The following XRCC4 variants were observed in gnomAD, a reference collection of about 807,000 sequenced individuals.
XRCC4 encodes DNA repair protein XRCC4.
A neutral mutation model predicts 39.1 loss-of-function variants in XRCC4; 28 were observed. That is an observed-to-expected ratio of 0.72 (90% CI 0.53 to 0.98). XRCC4 has a LOEUF of 0.98. Ranked by LOEUF, XRCC4 falls within the 50% of genes least tolerant of loss-of-function variation. The pLI is 0.00. For synonymous variants in XRCC4, 123 were observed against 126.4 expected, an observed-to-expected ratio of 0.97 and a Z score of 0.18; for missense variants, 350 against 376.4, an observed-to-expected ratio of 0.93 and a Z score of 0.58.
chr5:83,115,083 C>G (rs1403952740), intron 3 of XRCC4, among the ~76,000 whole-genome samples: 1 of 152,106 alleles, frequency 6.6e-6, no homozygotes, highest in Non-Finnish European at 1.5e-5. Context: ...AAGACCCACC[C>G]CCATGATTCG....
intron 6 of XRCC4, among the ~76,000 whole-genome samples, chr5:83,224,081 A>G (rs1468747076): frequency 6.6e-6 from 1 of 151,964 alleles, no homozygotes; most frequent in African/African-American, 2.4e-5. Flanking sequence ...TTTAAAATCC[A>G]TTTAGCCATT....
chr5:83,373,548 G>A, the XRCC4 span, among the ~76,000 whole-genome samples: 4 of 152,172 alleles, frequency 2.6e-5, no homozygotes, highest in African/African-American at 9.7e-5. Flanking sequence ...AAGTGAGACA[G>A]CACAAAAGAT....
intron 4 of XRCC4, among the ~76,000 whole-genome samples, chr5:83,202,629 G>A (rs1238368901): frequency 1.3e-5 from 2 of 152,004 alleles, no homozygotes; most frequent in Non-Finnish European, 2.9e-5. Context: ...ATGTGTGTGT[G>A]TGTTTATGTA....
At chr5:83,273,960 T>C (rs1055530096) in intron 7 of XRCC4, among the ~76,000 whole-genome samples, 5 of 152,092 alleles carry the variant, frequency 3.3e-5, no homozygotes, top group Non-Finnish European at 7.4e-5. Flanking sequence ...ATCACTACTT[T>C]TCTAGTTGTA....
chr5:83,311,445 G>C (rs942076387), intron 7 of XRCC4, among the ~76,000 whole-genome samples: 9 of 151,990 alleles, frequency 5.9e-5, no homozygotes, highest in Non-Finnish European at 1.3e-4. Flanking sequence ...TACATTATAT[G>C]AATGTATCAA....
In XRCC4 at chr5:83,125,658, ACTGT is replaced by A. The variant is rs746739315; in HGVS notation, c.315+14458_315+14461del. 7.2e-5 allele frequency among the ~76,000 whole-genome samples: 11 copies of A among 152,108 alleles called. 1 individual carries two copies. The highest frequency in any genetic ancestry group is 1.0e-4 in the Non-Finnish European group (7 of 68,016). ...GTATCTGTCCCTCCACCAACACCAC[ACTGT>A]CTTAATTACTGCAGCTACATCCTTA... On this transcript the variant is annotated intron_variant, in intron 3 of 7. Coordinates refer to ENST00000396027, the MANE Select transcript of XRCC4 (RefSeq NM_003401.5).
At chr5:83,188,245 C>T (rs571000608) in intron 3 of XRCC4, among the ~76,000 whole-genome samples, 1 of 152,004 alleles carries the variant, frequency 6.6e-6, no homozygotes, top group East Asian at 1.9e-4. Flanking sequence ...GAAGGATCTG[C>T]CTTCAAGCTC....
chr5:83,259,269 A>G (rs1002894047), intron 7 of XRCC4: 1 of 152,594 alleles, frequency 6.6e-6, no homozygotes, highest in African/African-American at 2.4e-5. Context: ...TTATCAGTTT[A>G]ATCCAAAATG....
chr5:83,105,140 T>C (rs1373510130), intron 2 of XRCC4, 82 bp downstream of exon 2: 31 of 1,387,126 alleles, frequency 2.2e-5, no homozygotes, highest in Non-Finnish European at 2.9e-6. Flanking sequence ...CCATTAGATA[T>C]TGGGTAAAAC....
At chr5:83,221,605 T>C (rs1396058645) in intron 6 of XRCC4, among the ~76,000 whole-genome samples, 1 of 152,096 alleles carries the variant, frequency 6.6e-6, no homozygotes, top group Non-Finnish European at 1.5e-5. Flanking sequence ...AAATATATTA[T>C]TTCTTTCTCA....
At chr5:83,190,320 C>A (rs2112680747) in intron 3 of XRCC4, among the ~76,000 whole-genome samples, 1 of 152,086 alleles carries the variant, frequency 6.6e-6, no homozygotes, top group East Asian at 1.9e-4. Context: ...GTGTATATAT[C>A]TACAATAGAC....
chr5:83,290,220 G>A (rs1371895718), intron 7 of XRCC4, among the ~76,000 whole-genome samples: 3 of 151,740 alleles, frequency 2.0e-5, no homozygotes, highest in Non-Finnish European at 4.4e-5. Flanking sequence ...GCTTTTTCTT[G>A]TTAGGGTAGG....
chr5:83,266,947 G>A (rs1002813877), intron 7 of XRCC4, among the ~76,000 whole-genome samples: 1 of 152,142 alleles, frequency 6.6e-6, no homozygotes, highest in Admixed American at 6.6e-5. Context: ...AACAATGAAG[G>A]AGGAGTAATG....
At position 83,111,009 on chromosome 5, in the gene XRCC4, T is replaced by C; in HGVS notation, c.140-19T>C. 1.9e-6 allele frequency: 3 copies of C among 1,594,564 alleles called. No homozygotes were observed. The highest frequency in any genetic ancestry group is 1.2e-5 in the South Asian group (1 of 86,744). ...TCATTTACTTTTCATTTTAAAACTT[T>C]TGTTAATATTTCCCATAGTTTCTGA... On this transcript the variant is annotated intron_variant, in intron 2 of 7. Transcript: ENST00000396027.
chr5:83,166,889 GT>G (rs1032882972), intron 3 of XRCC4, among the ~76,000 whole-genome samples: 9 of 146,360 alleles, frequency 6.1e-5, no homozygotes, highest in African/African-American at 1.8e-4. Flanking sequence ...TGGGTTTTTT[GT>G]TTTTTTTTTG....
intron 3 of XRCC4, among the ~76,000 whole-genome samples, chr5:83,132,105 G>A (rs573664040): frequency 6.6e-6 from 1 of 152,120 alleles, no homozygotes; most frequent in Non-Finnish European, 1.5e-5. Flanking sequence ...GCATTTGCTT[G>A]TCTGTAAAGT....
chr5:83,164,389 A>G (rs1749360094), intron 3 of XRCC4, among the ~76,000 whole-genome samples: 1 of 152,184 alleles, frequency 6.6e-6, no homozygotes, highest in Admixed American at 6.5e-5. Flanking sequence ...CTCTTTAGAC[A>G]TTACTAAAAT....
chr5:83,186,136 G>T (rs1750427600), intron 3 of XRCC4, among the ~76,000 whole-genome samples: 1 of 152,054 alleles, frequency 6.6e-6, no homozygotes, highest in South Asian at 2.1e-4. Flanking sequence ...ATAAAATATT[G>T]TTTCTCAATA....
chr5:83,168,025 C>T (rs570625547), intron 3 of XRCC4, among the ~76,000 whole-genome samples: 19 of 151,962 alleles, frequency 1.3e-4, no homozygotes, highest in South Asian at 6.2e-4. Flanking sequence ...GGAAAATAAA[C>T]GCAGAAAATA....
Sources: allele counts gnomAD v4.1 joint callset (sites outside exome capture counted in the v4.1 genomes callset), GRCh38; gene constraint gnomAD v4.1.1; transcripts MANE v1.5; gene names NCBI Gene and HGNC (gene_info 2026-07-23, HGNC 2026-07-21).